Variants in LDB2 observed in about 807,000 individuals in gnomAD.
The protein encoded by LDB2 is LIM domain binding 2.
A neutral mutation model predicts 44.3 loss-of-function variants in LDB2; 12 were observed. The observed-to-expected ratio is 0.27, with a 90% CI of 0.17 to 0.44. The LOEUF (loss-of-function observed/expected upper bound fraction) is 0.44, where lower values mean the gene tolerates loss of function less well. Among genes scored for constraint, LDB2 ranks in the 20% least tolerant of loss-of-function variants. LDB2 has a pLI of 1.00. For missense variants in LDB2, 344 were observed against 473.5 expected, an observed-to-expected ratio of 0.73 and a Z score of 2.54; for synonymous variants, 164 against 174.8, an observed-to-expected ratio of 0.94 and a Z score of 0.49.
At chr4:16,653,485 T>G (rs1228272197) in intron 2 of LDB2, among the ~76,000 whole-genome samples, 1 of 152,208 alleles carries the variant, frequency 6.6e-6, no homozygotes, top group Non-Finnish European at 1.5e-5. Context: ...AGTAAGGTGT[T>G]AATATTGCCA....
chr4:16,782,312 G>A (rs925921513), intron 1 of LDB2, among the ~76,000 whole-genome samples: 2 of 151,686 alleles, frequency 1.3e-5, no homozygotes, highest in African/African-American at 2.4e-5. Context: ...TATACTTGGC[G>A]CTCAACAAAT....
intron 2 of LDB2, among the ~76,000 whole-genome samples, chr4:16,658,674 C>T (rs1740607288): frequency 6.6e-6 from 1 of 152,080 alleles, no homozygotes; most frequent in African/African-American, 2.4e-5. Context: ...CACATTTGGC[C>T]CACAGGGTGG....
At chr4:16,598,521 T>C (rs1175363276) in intron 2 of LDB2, among the ~76,000 whole-genome samples, 1 of 152,188 alleles carries the variant, frequency 6.6e-6, no homozygotes, top group African/African-American at 2.4e-5. Context: ...GTCCCTGACA[T>C]ACCTTGCACA....
chr4:16,628,581 T>TG (rs927642814), intron 2 of LDB2, among the ~76,000 whole-genome samples: 3 of 151,886 alleles, frequency 2.0e-5, no homozygotes, highest in African/African-American at 7.3e-5. Flanking sequence ...TTTTTTTTTT[T>TG]GTCCTGTACC....
chr4:16,661,441 A>G (rs1741561820), intron 2 of LDB2, among the ~76,000 whole-genome samples: 1 of 152,158 alleles, frequency 6.6e-6, no homozygotes, highest in South Asian at 2.1e-4. Context: ...CACTTACTAG[A>G]TATGGACCTT....
intron 5 of LDB2, among the ~76,000 whole-genome samples, chr4:16,555,907 C>G (rs1025468516): frequency 1.4e-4 from 21 of 152,226 alleles, no homozygotes; most frequent in African/African-American, 5.1e-4. Context: ...CCCTATCACC[C>G]CATGCTCCAG....
intron 3 of LDB2, 47 bp downstream of exon 3, chr4:16,595,656 C>T (rs1438336510): frequency 5.2e-6 from 8 of 1,547,520 alleles, no homozygotes; most frequent in African/African-American, 2.7e-5. Flanking sequence ...TTCTTTAATG[C>T]TCTCAGAGTA....
At chr4:16,845,645 C>T (rs535639761) in intron 1 of LDB2, among the ~76,000 whole-genome samples, 2 of 152,306 alleles carry the variant, frequency 1.3e-5, no homozygotes, top group Admixed American at 1.3e-4. Flanking sequence ...AGAAGCAATA[C>T]TAATCGCATA....
chr4:16,558,098 A>G (rs1740461289), intron 5 of LDB2, among the ~76,000 whole-genome samples: 1 of 152,160 alleles, frequency 6.6e-6, no homozygotes, highest in Non-Finnish European at 1.5e-5. Context: ...AAAGTAGATA[A>G]AACCACAAAG....
chr4:16,633,917 A>C (rs919407573), intron 2 of LDB2, among the ~76,000 whole-genome samples: 2 of 152,216 alleles, frequency 1.3e-5, no homozygotes, highest in African/African-American at 4.8e-5. Flanking sequence ...AAACAGATAT[A>C]TAGACCAATG....
At chr4:16,527,591 G>A (rs2152293063) in intron 5 of LDB2, among the ~76,000 whole-genome samples, 1 of 152,214 alleles carries the variant, frequency 6.6e-6, no homozygotes, top group East Asian at 1.9e-4. Context: ...AGGAAAGTAA[G>A]TCATTATATG....
At chr4:16,682,677 T>G (rs1748242019) in intron 2 of LDB2, among the ~76,000 whole-genome samples, 1 of 152,100 alleles carries the variant, frequency 6.6e-6, no homozygotes, top group Non-Finnish European at 1.5e-5. Flanking sequence ...TCCCCAGAGG[T>G]CAACTTAGCT....
At chr4:16,703,539 T>G (rs16893838) in intron 2 of LDB2, among the ~76,000 whole-genome samples, 12,632 of 152,288 alleles carry the variant, frequency 0.083, 836 homozygotes, top group East Asian at 0.4. Context: ...CTGTGTCTAC[T>G]GCCGATTGGC....
chr4:16,638,119 G>T (rs571733164), intron 2 of LDB2, among the ~76,000 whole-genome samples: 4 of 152,328 alleles, frequency 2.6e-5, no homozygotes, highest in African/African-American at 9.6e-5. Flanking sequence ...AGGGCTCCAT[G>T]ATTGCAAATG....
At chr4:16,787,570 C>T (rs538678166) in intron 1 of LDB2, among the ~76,000 whole-genome samples, 3 of 152,192 alleles carry the variant, frequency 2.0e-5, no homozygotes, top group South Asian at 2.1e-4. Flanking sequence ...GCTGTGATCA[C>T]GCCACTGCAC....
intron 2 of LDB2, among the ~76,000 whole-genome samples, chr4:16,646,637 C>T (rs372976890): frequency 1.4e-4 from 21 of 152,090 alleles, no homozygotes; most frequent in Non-Finnish European, 2.6e-4. Flanking sequence ...CAGGGACCGG[C>T]GGAGTTACAG....
At position 16,582,133 on chromosome 4, in the gene LDB2, G is replaced by A. The variant is rs1160059177; in HGVS notation, c.615+3789C>T. On this transcript the variant is annotated intron_variant, in intron 5 of 7. Coordinates refer to ENST00000304523, the MANE Select transcript of LDB2 (RefSeq NM_001290.5). This position sits in a 1 kb window ranked among gnomAD's most constrained non-coding sequence, Gnocchi z 4.8. ...CCCCAGAAATGTTAGCTAGTGCTATGTTTCTCACTGCACCTGGGAGCAATT... is the reference window on the plus strand; with the variant it reads ...CCCCAGAAATGTTAGCTAGTGCTATATTTCTCACTGCACCTGGGAGCAATT... Among the ~76,000 whole-genome samples the A allele has an allele frequency of 6.6e-6, 1 of 152,168 alleles. No homozygotes were observed. The highest frequency in any genetic ancestry group is 1.5e-5 in the Non-Finnish European group (1 of 68,032).
chr4:16,822,779 G>T (rs546657627), intron 1 of LDB2, among the ~76,000 whole-genome samples: 1 of 152,254 alleles, frequency 6.6e-6, no homozygotes, highest in Admixed American at 6.5e-5. Context: ...GCCTCCCAAA[G>T]TGCTGAGATT....
intron 1 of LDB2, among the ~76,000 whole-genome samples, chr4:16,883,020 G>GA (rs1409391622): frequency 6.6e-6 from 1 of 151,758 alleles, no homozygotes; most frequent in African/African-American, 2.4e-5. Flanking sequence ...TATGAGGACG[G>GA]AAAAAAAACA....
Sources: allele counts gnomAD v4.1 joint callset (sites outside exome capture counted in the v4.1 genomes callset), GRCh38; gene constraint gnomAD v4.1.1; non-coding constraint Gnocchi (gnomAD v3.1); transcripts MANE v1.5; gene names NCBI Gene and HGNC (gene_info 2026-07-23, HGNC 2026-07-21).